NSUN2: variants seen among roughly 807,000 people sequenced by gnomAD.
NSUN2 encodes the protein RNA cytosine C(5)-methyltransferase NSUN2.
NSUN2 carries 63 observed loss-of-function variants against 92.7 expected under a neutral mutation model. The observed-to-expected ratio is 0.68, with a 90% CI of 0.56 to 0.84. The LOEUF is 0.84. Among genes scored for constraint, NSUN2 ranks in the 40% least tolerant of loss-of-function variants. The probability of loss-of-function intolerance (pLI) is 0.00; values close to 1 mark genes in which losing one functional copy is unlikely to be tolerated. For missense variants in NSUN2, 989 were observed against 964.9 expected (o/e 1.02, Z -0.33); for synonymous variants, 356 against 348.3 (o/e 1.02, Z -0.25).
intron 4 of NSUN2, among the ~76,000 whole-genome samples, chr5:6,625,103 A>C (rs1378762046): frequency 3.2e-5 from 4 of 124,528 alleles, no homozygotes; most frequent in Non-Finnish European, 7.1e-5. Flanking sequence ...GTGTGGTAAG[A>C]AAAAAAAAAA....
Position 6,602,543 on chromosome 5 carries a change from G to A in NSUN2, c.1958-43C>T. 3 of 1,579,532 alleles carry A rather than the reference G, an allele frequency of 1.9e-6. No individual in the cohort carries two copies. The South Asian group carries it at 3.3e-5, about 17-fold the overall frequency. On this transcript the variant is annotated intron_variant, in intron 17 of 18. Coordinates refer to ENST00000264670, the MANE Select transcript of NSUN2 (RefSeq NM_017755.6). The stretch of plus-strand genomic sequence containing the variant: ...ACACATTTGCCAGGTTTTCCAGGTA[G>A]TGGATGCATGCGCTGAGCACATTTC...
At chr5:6,600,262 A>G (rs1442784034) in intron 18 of NSUN2, 30 bp from the exon 19 acceptor site, 3 of 1,585,560 alleles carry the variant, frequency 1.9e-6, no homozygotes, top group Non-Finnish European at 2.6e-6. Context: ...CATGTAGAAC[A>G]TTAAACATTC....
chr5:6,621,979 G>T, intron 6 of NSUN2, 37 bp downstream of exon 6: 1 of 1,538,262 alleles, frequency 6.5e-7, no homozygotes, highest in Non-Finnish European at 9.0e-7. Context: ...TGCCAAAGTG[G>T]CATTCCTACC....
intron 8 of NSUN2, among the ~76,000 whole-genome samples, 164 bp from the exon 9 acceptor site, chr5:6,617,021 A>T (rs2126491664): frequency 1.3e-5 from 2 of 152,164 alleles, no homozygotes; most frequent in East Asian, 3.8e-4. Flanking sequence ...ACTTATATAA[A>T]GTGTTTCATG....
intron 4 of NSUN2, among the ~76,000 whole-genome samples, chr5:6,624,799 G>A (rs1448640099): frequency 7.4e-6 from 1 of 134,784 alleles, no homozygotes; most frequent in Non-Finnish European, 1.7e-5. Flanking sequence ...TTTACTAGAA[G>A]GTAGTAGTTT....
chr5:6,602,056 G>A (rs1033422367), intron 18 of NSUN2, among the ~76,000 whole-genome samples: 5 of 152,160 alleles, frequency 3.3e-5, no homozygotes, highest in African/African-American at 2.4e-5. Flanking sequence ...CCCATGCTCC[G>A]GCCCTAGCAC....
Position 6,632,590 on chromosome 5 carries a change from C to A in NSUN2, c.254+9G>T, listed in dbSNP as rs781643874. On this transcript the variant is annotated intron_variant, in intron 2 of 18. Coordinates refer to ENST00000264670, the MANE Select transcript of NSUN2 (RefSeq NM_017755.6). The stretch of plus-strand genomic sequence containing the variant: ...CCAACTCCCAAAAAATCAGGCACTG[C>A]CTCCCTACCTTTTGTAACCAGTAAT... 1.2e-5 allele frequency: 19 copies of A among 1,612,832 alleles called. No homozygotes were observed. The highest frequency in any genetic ancestry group is 1.5e-5 in the Non-Finnish European group (18 of 1,179,330).
chr5:6,606,076 T>C (rs1736758163), intron 14 of NSUN2, among the ~76,000 whole-genome samples: 1 of 152,216 alleles, frequency 6.6e-6, no homozygotes, highest in African/African-American at 2.4e-5. Flanking sequence ...TAAAATTCAA[T>C]GAATAAGAAA....
chr5:6,606,228 A>G (rs1401331012), intron 14 of NSUN2, among the ~76,000 whole-genome samples: 1 of 152,178 alleles, frequency 6.6e-6, no homozygotes, highest in African/African-American at 2.4e-5. Context: ...TATATACTCA[A>G]TTGAGTAATT....
In NSUN2 at chr5:6,632,655, G is replaced by C; in HGVS notation, c.198C>G (p.Phe66Leu). The stretch of plus-strand genomic sequence containing the variant: ...GGAGCGGCTCCCTGAGAGCGTCCAT[G>C]AACTGGCCCCACTCGCCCTCGGGCA... ...KIVPEGEWGQ[F>L]MDALREPLPA... The change falls in exon 2 of 19, where the codon TTC (phenylalanine) becomes TTG (leucine). Residue 66 changes from phenylalanine (F) to leucine (L), a missense_variant. By Grantham distance (22) the Phe-to-Leu change is conservative (BLOSUM62 0). This residue lies in a region of NSUN2 where 356 missense variants were observed against 338.6 expected (regional missense o/e 1.05). Transcript: ENST00000264670. 2 of 1,614,164 alleles carry C rather than the reference G, an allele frequency of 1.2e-6. No homozygotes were observed. The highest frequency in any genetic ancestry group is 1.7e-5 in the Admixed American group (1 of 60,022).
intron 12 of NSUN2, among the ~76,000 whole-genome samples, chr5:6,609,214 G>A (rs1736894665): frequency 1.3e-5 from 2 of 152,170 alleles, no homozygotes; most frequent in Admixed American, 6.5e-5. Context: ...GCTGATTTAT[G>A]AACTAATAAA....
Position 6,607,384 on chromosome 5 carries a change from G to A in NSUN2, c.1324C>T (p.Leu442Phe), listed in dbSNP as rs760364763. ...SMPWNKRQPK[L>F]QGKSAETRES... ...CTGGTCTCTGCAGATTTACCCTGAA[G>A]CTGTCATAAAGAACAATTTCATTGA... Residue 442 changes from leucine (L) to phenylalanine (F), a missense_variant and splice_region_variant, in exon 13 of 19, where the codon CTT (leucine) becomes TTT (phenylalanine). Around this residue, in one of 3 missense-constraint regions of NSUN2, gnomAD observed 626 missense variants for 602.3 expected, o/e 1.04. Coordinates refer to ENST00000264670, the MANE Select transcript of NSUN2 (RefSeq NM_017755.6). 1 of 1,608,804 alleles carries A rather than the reference G, an allele frequency of 6.2e-7. No individual in the cohort carries two copies. The highest frequency in any genetic ancestry group is 8.5e-7 in the Non-Finnish European group (1 of 1,176,610).
At position 6,616,811 on chromosome 5, in the gene NSUN2, CTTCAGCCAGCTG is replaced by C; in HGVS notation, c.925_936del (p.Gln309_Glu312del). ...CACGTGGAATACACCATCCTTCCAC[CTTCAGCCAGCTG>C]TTCAGCCCCGCGTGTTGCAATCCGC... is the stretch of plus-strand genomic sequence containing the variant. On this transcript the variant is annotated inframe_deletion, in exon 9 of 19. Transcript: ENST00000264670. The C allele has an allele frequency of 6.2e-7, 1 of 1,614,042 alleles. No individual in the cohort carries two copies.
chr5:6,605,308 G>A lies in NSUN2; in HGVS notation c.1702C>T (p.Arg568Trp), dbSNP rs1736722187. The change falls in exon 15 of 19, where the codon CGG (arginine) becomes TGG (tryptophan). Residue 568 changes from arginine (R) to tryptophan (W), a missense_variant. Arg to Trp is a moderately radical substitution (Grantham distance 101). Around this residue, in one of 3 missense-constraint regions of NSUN2, gnomAD observed 626 missense variants for 602.3 expected, o/e 1.04. Coordinates refer to ENST00000264670, the MANE Select transcript of NSUN2 (RefSeq NM_017755.6). ...TCACTGTTATTCAGCAGCACATTCC[G>A]CAACTCCTTAGAAACCATGTAGAGC... ...RQLYMVSKEL[R>W]NVLLNNSEKM... 8.1e-6 allele frequency: 13 copies of A among 1,614,156 alleles called. No individual in the cohort carries two copies. The highest frequency in any genetic ancestry group is 1.1e-5 in the Non-Finnish European group (13 of 1,180,022).
chr5:6,611,125 T>C, intron 10 of NSUN2, 40 bp from the exon 11 acceptor site: 1 of 1,607,684 alleles, frequency 6.2e-7, no homozygotes, highest in Non-Finnish European at 8.5e-7. Context: ...ACTAGCACTA[T>C]CCAATACCAA....
At chr5:6,616,052 C>T (rs1296074184) in intron 9 of NSUN2, among the ~76,000 whole-genome samples, 2 of 152,156 alleles carry the variant, frequency 1.3e-5, no homozygotes, top group African/African-American at 4.8e-5. Context: ...GGTAGAAATA[C>T]AAAATGACGC....
Position 6,605,083 on chromosome 5 carries a change from T to A in NSUN2, c.1737+190A>T. On this transcript the variant is annotated intron_variant, in intron 15 of 18. Coordinates refer to ENST00000264670, the MANE Select transcript of NSUN2 (RefSeq NM_017755.6). ...AGACACAGGCCACCAGATTCAGGACTCTGGCAGGAACCATTCAGCCCTGTG... is the reference window on the plus strand; with the variant it reads ...AGACACAGGCCACCAGATTCAGGACACTGGCAGGAACCATTCAGCCCTGTG... 4 of 754,974 alleles carry A rather than the reference T, an allele frequency of 5.3e-6. No individual in the cohort carries two copies. In the South Asian group the frequency reaches 7.1e-5, roughly 13 times the overall value. The allele number at this position is 754,974 out of a possible 1,614,324, so 46.8% of individuals were successfully genotyped here.
intron 9 of NSUN2, among the ~76,000 whole-genome samples, chr5:6,615,721 TCTCA>T (rs1272314991): frequency 2.0e-5 from 3 of 152,236 alleles, no homozygotes; most frequent in African/African-American, 7.2e-5. Flanking sequence ...GAAAGGCCTC[TCTCA>T]CTGACTATGC....
intron 18 of NSUN2, 118 bp downstream of exon 18, chr5:6,602,343 C>A: frequency 1.0e-6 from 1 of 970,844 alleles, no homozygotes; most frequent in Non-Finnish European, 1.6e-6. Flanking sequence ...TTCTGAGGAA[C>A]AATCACAAAA....
Sources: allele counts gnomAD v4.1 joint callset (sites outside exome capture counted in the v4.1 genomes callset), GRCh38; gene constraint gnomAD v4.1.1; regional missense constraint gnomAD v4.1.1; transcripts MANE v1.5; gene names NCBI Gene and HGNC (gene_info 2026-07-23, HGNC 2026-07-21).